PTPRT: variants seen among roughly 807,000 people sequenced by gnomAD.
The protein encoded by PTPRT is receptor-type tyrosine-protein phosphatase T.
A neutral mutation model predicts 176.8 loss-of-function variants in PTPRT; 56 were observed. That is an observed-to-expected ratio of 0.32 (90% CI 0.26 to 0.40). The LOEUF (loss-of-function observed/expected upper bound fraction) is 0.40. Ranked by LOEUF, PTPRT falls within the 10% of genes least tolerant of loss-of-function variation. The pLI is 1.00. For missense variants in PTPRT, 1,540 were observed against 1,908.2 expected, an observed-to-expected ratio of 0.81 and a Z score of 3.60; for synonymous variants, 783 against 739.0, an observed-to-expected ratio of 1.06 and a Z score of -0.96.
chr20:42,721,445 C>T (rs762655151), intron 6 of PTPRT, among the ~76,000 whole-genome samples: 2 of 152,008 alleles, frequency 1.3e-5, no homozygotes, highest in African/African-American at 2.4e-5. Context: ...GGGTGGGCAG[C>T]GAATATGTGT....
chr20:43,102,284 TCACACACACACACA>T (rs57029983), intron 1 of PTPRT, among the ~76,000 whole-genome samples: 1 of 140,450 alleles, frequency 7.1e-6, no homozygotes, highest in Non-Finnish European at 1.6e-5. Flanking sequence ...CACTCACACA[TCACACACACACACA>T]CACACACACA....
At chr20:42,628,976 C>T (rs76667918) in intron 7 of PTPRT, among the ~76,000 whole-genome samples, 1,590 of 152,250 alleles carry the variant, frequency 0.01, 21 homozygotes, top group African/African-American at 0.036. Flanking sequence ...AAGATTCAAA[C>T]CCAGATCTAT....
At chr20:42,691,614 G>A (rs574751725) in intron 6 of PTPRT, among the ~76,000 whole-genome samples, 3 of 152,260 alleles carry the variant, frequency 2.0e-5, no homozygotes, top group African/African-American at 4.8e-5. Flanking sequence ...ACTGAAAAAC[G>A]AGCTTCTTCC....
intron 16 of PTPRT, among the ~76,000 whole-genome samples, chr20:42,175,021 T>G (rs1462712953): frequency 1.3e-5 from 2 of 152,126 alleles, no homozygotes; most frequent in African/African-American, 2.4e-5. Flanking sequence ...TCCTCAAATC[T>G]GCTGCCCCTC....
At chr20:42,208,844 T>G (rs900032276) in intron 15 of PTPRT, among the ~76,000 whole-genome samples, 1 of 152,104 alleles carries the variant, frequency 6.6e-6, no homozygotes, top group Non-Finnish European at 1.5e-5. Context: ...AATATACATT[T>G]TTTTCAGCAC....
At chr20:42,376,114 T>A (rs1173953667) in intron 9 of PTPRT, among the ~76,000 whole-genome samples, 5 of 152,156 alleles carry the variant, frequency 3.3e-5, no homozygotes, top group Non-Finnish European at 4.4e-5. Context: ...GCATCCCCAA[T>A]TACGTGAGAA....
intron 6 of PTPRT, among the ~76,000 whole-genome samples, chr20:42,681,114 A>G (rs1486066162): frequency 1.3e-5 from 2 of 152,254 alleles, no homozygotes; most frequent in Admixed American, 1.3e-4. Flanking sequence ...GCAAAAATAT[A>G]GCACAGAATG....
chr20:42,964,894 A>G (rs893533035), intron 1 of PTPRT, among the ~76,000 whole-genome samples: 1 of 152,240 alleles, frequency 6.6e-6, no homozygotes, highest in Non-Finnish European at 1.5e-5. Flanking sequence ...GTTAAAAATC[A>G]TATATCAATA....
At chr20:43,041,164 G>C (rs567666888) in intron 1 of PTPRT, among the ~76,000 whole-genome samples, 3 of 152,324 alleles carry the variant, frequency 2.0e-5, no homozygotes, top group Admixed American at 2.0e-4. Flanking sequence ...GACTCGGAGA[G>C]CTTAAATGAC....
At chr20:43,111,604 T>C (rs541512010) in intron 1 of PTPRT, among the ~76,000 whole-genome samples, 8 of 151,226 alleles carry the variant, frequency 5.3e-5, no homozygotes, top group Admixed American at 3.3e-4. Flanking sequence ...ATATCCACTT[T>C]AGATCTTCTC....
At chr20:42,933,703 C>T (rs1980007056) in intron 1 of PTPRT, among the ~76,000 whole-genome samples, 1 of 152,182 alleles carries the variant, frequency 6.6e-6, no homozygotes, top group Non-Finnish European at 1.5e-5. Flanking sequence ...ACCGGATGAG[C>T]CTCAGCAAGG....
At chr20:42,305,811 G>A (rs1000603014) in intron 12 of PTPRT, among the ~76,000 whole-genome samples, 7 of 152,152 alleles carry the variant, frequency 4.6e-5, no homozygotes, top group African/African-American at 9.7e-5. Flanking sequence ...GCTAAGAAAC[G>A]GAAAAGCCAG....
intron 16 of PTPRT, among the ~76,000 whole-genome samples, chr20:42,192,401 A>T (rs1991037060): frequency 1.3e-5 from 2 of 152,142 alleles, no homozygotes; most frequent in African/African-American, 4.8e-5. Flanking sequence ...TCTGGCTAAA[A>T]TTTTGCCTGG....
chr20:42,294,527 T>C (rs1031746139), intron 12 of PTPRT, among the ~76,000 whole-genome samples: 1 of 152,070 alleles, frequency 6.6e-6, no homozygotes, highest in African/African-American at 2.4e-5. Context: ...TACCTGTACT[T>C]TACTATCCAG....
intron 15 of PTPRT, among the ~76,000 whole-genome samples, chr20:42,216,107 C>T (rs77441890): frequency 0.027 from 3,805 of 140,590 alleles, 154 homozygotes; most frequent in African/African-American, 0.12. Flanking sequence ...GAACCTCCTT[C>T]TCCGTTCCAC....
At chr20:42,035,023 C>T in the PTPRT span, among the ~76,000 whole-genome samples, 1 of 152,070 alleles carries the variant, frequency 6.6e-6, no homozygotes, top group Non-Finnish European at 1.5e-5. Flanking sequence ...TGTTTTAAAA[C>T]CAGGTTTGGA....
intron 2 of PTPRT, among the ~76,000 whole-genome samples, chr20:42,848,865 T>A (rs2078422546): frequency 1.3e-5 from 2 of 152,190 alleles, no homozygotes; most frequent in South Asian, 4.2e-4. Context: ...GCTTTTGGGT[T>A]CTTGGTCATG....
At chr20:43,058,712 A>G (rs1012663758) in intron 1 of PTPRT, among the ~76,000 whole-genome samples, 3 of 152,270 alleles carry the variant, frequency 2.0e-5, no homozygotes, top group Non-Finnish European at 2.9e-5. Flanking sequence ...TGCTCCAATT[A>G]TCAGACTGAT....
chr20:42,699,550 AT>A (rs1046059535), intron 6 of PTPRT, among the ~76,000 whole-genome samples: 4 of 152,350 alleles, frequency 2.6e-5, no homozygotes, highest in African/African-American at 9.6e-5. Context: ...AGCATGTGTC[AT>A]TTTTAAAAAG....
Sources: allele counts gnomAD v4.1 joint callset (sites outside exome capture counted in the v4.1 genomes callset), GRCh38; gene constraint gnomAD v4.1.1; transcripts MANE v1.5; gene names NCBI Gene and HGNC (gene_info 2026-07-23, HGNC 2026-07-21).